NBDY: variants seen among roughly 807,000 people sequenced by gnomAD.
NBDY encodes the protein P-body dissociating protein.
chrX:56,810,002 T>C (rs910612006), intron 2 of NBDY, among the ~76,000 whole-genome samples: 5 of 111,945 alleles, frequency 4.5e-5, no homozygotes, highest in African/African-American at 1.6e-4. Context: ...TATTTCTCCT[T>C]TGCCTATGAA....
At chrX:56,817,269 G>A (rs181137196) in intron 2 of NBDY, 51 bp from the exon 3 acceptor site, 1 of 112,016 alleles carries the variant, frequency 8.9e-6, no homozygotes, top group African/African-American at 3.2e-5. Context: ...GTATGATAAT[G>A]GAATTTCTCA....
At chrX:56,733,048 C>A (rs1473447505) in intron 2 of NBDY, among the ~76,000 whole-genome samples, 1 of 110,393 alleles carries the variant, frequency 9.1e-6, no homozygotes, top group African/African-American at 3.3e-5. Flanking sequence ...TCTTTAGCAT[C>A]TTAATTTTCA....
chrX:56,767,567 G>T (rs1020851273), intron 2 of NBDY, among the ~76,000 whole-genome samples: 1 of 113,246 alleles, frequency 8.8e-6, no homozygotes, highest in Non-Finnish European at 1.9e-5. Context: ...GCATGAGCTC[G>T]GCGGGCCCCG....
At chrX:56,747,324 G>A (rs1422508575) in intron 2 of NBDY, among the ~76,000 whole-genome samples, 2 of 111,967 alleles carry the variant, frequency 1.8e-5, no homozygotes, top group African/African-American at 6.5e-5. Context: ...GAAGGCACAT[G>A]AGCAAGACTA....
chrX:56,807,423 GA>G (rs2069857980), intron 2 of NBDY, among the ~76,000 whole-genome samples: 1 of 111,514 alleles, frequency 9.0e-6, no homozygotes, highest in Non-Finnish European at 1.9e-5. Context: ...CCATTTTCAT[GA>G]TATTGATTCT....
At chrX:56,807,530 C>T (rs2146741342) in intron 2 of NBDY, among the ~76,000 whole-genome samples, 1 of 111,540 alleles carries the variant, frequency 9.0e-6, no homozygotes, top group African/African-American at 3.3e-5. Context: ...AGGTCCTTCA[C>T]ATCCCTTATA....
intron 2 of NBDY, among the ~76,000 whole-genome samples, chrX:56,813,504 C>G (rs1178999392): frequency 9.0e-6 from 1 of 111,008 alleles, no homozygotes; most frequent in Non-Finnish European, 1.9e-5. Flanking sequence ...TCAGAAGGGA[C>G]TCCACACCCC....
intron 2 of NBDY, among the ~76,000 whole-genome samples, chrX:56,791,842 ATCT>A (rs2069765693): frequency 1.2e-5 from 1 of 86,291 alleles, no homozygotes; most frequent in Non-Finnish European, 2.3e-5. Context: ...CTTCTCCTCC[ATCT>A]TCTTCTACTC....
intron 2 of NBDY, among the ~76,000 whole-genome samples, chrX:56,755,933 C>G (rs2069608678): frequency 9.6e-6 from 1 of 104,270 alleles, no homozygotes; most frequent in Non-Finnish European, 2.0e-5. Flanking sequence ...AAATGTGGCA[C>G]ATATACACCA....
At chrX:56,758,634 G>A (rs192813991) in intron 2 of NBDY, among the ~76,000 whole-genome samples, 314 of 111,852 alleles carry the variant, frequency 2.8e-3, no homozygotes, top group African/African-American at 9.5e-3. Flanking sequence ...TAGTACCCCC[G>A]GCATCTTGGT....
chrX:56,785,602 C>T (rs760905241), intron 2 of NBDY, among the ~76,000 whole-genome samples: 6 of 111,044 alleles, frequency 5.4e-5, no homozygotes, highest in Admixed American at 2.9e-4. Context: ...ATGGTGTGTG[C>T]GGGATGGGGT....
rs878922508 is a variant in NBDY, at chrX:56,733,437, CTAAA to C, written c.*166+1242_*166+1245del. Among the ~76,000 whole-genome samples the C allele has an allele frequency of 6.3e-5, 7 of 110,873 alleles. No homozygotes were observed. In the South Asian group the frequency reaches 2.7e-3, roughly 42 times the overall value. On this transcript the variant is annotated intron_variant, in intron 2 of 2. Transcript: ENST00000374922. ...TGATTGAATTAATAAAATCCTGAAA[CTAAA>C]TAACTCATAATTCATTGCACAACAT...
chrX:56,800,217 T>A (rs970690789), intron 2 of NBDY, among the ~76,000 whole-genome samples: 1 of 111,763 alleles, frequency 8.9e-6, no homozygotes, highest in African/African-American at 3.3e-5. Flanking sequence ...CTCATCTAAC[T>A]TTTTTCCTGT....
chrX:56,800,653 C>A (rs1338663675), intron 2 of NBDY, among the ~76,000 whole-genome samples: 2 of 111,869 alleles, frequency 1.8e-5, no homozygotes, highest in African/African-American at 6.5e-5. Context: ...CATTGCTCAC[C>A]CTGATTCTTT....
chrX:56,790,522 C>A (rs1039176249), intron 2 of NBDY, among the ~76,000 whole-genome samples: 9 of 112,102 alleles, frequency 8.0e-5, no homozygotes, highest in Non-Finnish European at 5.6e-5. Flanking sequence ...AGATTCTTTT[C>A]TCATAAGTAG....
chrX:56,738,073 T>C (rs962709725), intron 2 of NBDY, among the ~76,000 whole-genome samples: 1 of 112,102 alleles, frequency 8.9e-6, no homozygotes, highest in Non-Finnish European at 1.9e-5. Context: ...ATGTTATCAG[T>C]TGTCCCAATA....
intron 2 of NBDY, among the ~76,000 whole-genome samples, chrX:56,803,137 C>T (rs1465777198): frequency 1.8e-5 from 2 of 110,641 alleles, no homozygotes; most frequent in Admixed American, 9.5e-5. Flanking sequence ...GGTGTGGGGC[C>T]CCCAGGCTGA....
intron 2 of NBDY, among the ~76,000 whole-genome samples, chrX:56,747,467 G>T (rs1364680537): frequency 9.0e-6 from 1 of 111,656 alleles, no homozygotes; most frequent in Non-Finnish European, 1.9e-5. Flanking sequence ...AATGACCAAA[G>T]TTACAGAACT....
At position 56,737,576 on chromosome X, in the gene NBDY, A is replaced by C. The variant is rs927307638; in HGVS notation, c.*166+5377A>C. The C allele has an allele frequency of 4.7e-6, 3 of 634,099 alleles. No individual in the cohort carries two copies. The African/African-American group carries it at 7.0e-5, about 15-fold the overall frequency. The allele number at this position is 634,099 out of a possible 1,213,427, so 52.3% of individuals were successfully genotyped here. On this transcript the variant is annotated intron_variant, in intron 2 of 2. Transcript: ENST00000374922. Reference sequence around the variant, plus strand: ...TGCTGAAATGGCCTGCTTGCCAGCCATTTTGACCTGCTTTAATTTTTTTTA... The same window carrying C: ...TGCTGAAATGGCCTGCTTGCCAGCCCTTTTGACCTGCTTTAATTTTTTTTA...
Sources: gnomAD v4.1 joint callset for allele counts (sites outside exome capture counted in the v4.1 genomes callset) on GRCh38, gnomAD v4.1.1 for gene constraint, MANE v1.5 for transcripts, NCBI Gene and HGNC (gene_info 2026-07-23, HGNC 2026-07-21) for gene names.